Variants in ESR2 observed in about 807,000 individuals in gnomAD.
ESR2 encodes estrogen receptor 2.
In ESR2, 36 loss-of-function variants were observed where a neutral mutation model predicts 49.6. The ratio of observed to expected loss-of-function variants is 0.73; its 90% confidence interval spans 0.56 to 0.96. ESR2 has a LOEUF of 0.96. ESR2 is among the 40% of genes least tolerant of loss of function. ESR2 has a pLI of 0.00. For synonymous variants in ESR2, 320 were observed against 266.1 expected (o/e 1.20, Z -1.97); for missense variants, 714 against 693.0 (o/e 1.03, Z -0.34).
rs1214953702 is a variant in ESR2, at chr14:64,283,064, C to T, written c.-79G>A. The T allele has an allele frequency of 2.8e-6, 4 of 1,431,934 alleles. No homozygotes were observed. Among genetic ancestry groups the T allele is most frequent in the East Asian group, 2.3e-5 (1 of 43,570 alleles). 88.7% of individuals were successfully genotyped at this position (1,431,934 alleles called of 1,614,324 possible). On this transcript the variant is annotated 5_prime_UTR_variant, in exon 2 of 9. Coordinates refer to ENST00000341099, the MANE Select transcript of ESR2 (RefSeq NM_001437.3). ...TATAATGTTCTCAAAGATTCGTGGG[C>T]AAGTATAATGGCTGTAAAGAAACAC...
At chr14:64,293,534 ACTC>A (rs1320639909) in intron 1 of ESR2, among the ~76,000 whole-genome samples, 2 of 152,048 alleles carry the variant, frequency 1.3e-5, no homozygotes, top group African/African-American at 2.4e-5. Context: ...CAGTTGTTGG[ACTC>A]CTCTTCAGCA....
At chr14:64,304,594 A>T (rs2077066133) in intron 1 of ESR2, among the ~76,000 whole-genome samples, 1 of 152,188 alleles carries the variant, frequency 6.6e-6, no homozygotes, top group Admixed American at 6.5e-5. Flanking sequence ...AAACCTGCGC[A>T]TAGTAGCTGA....
chr14:64,320,820 A>T (rs2077317008), intron 1 of ESR2, among the ~76,000 whole-genome samples: 1 of 152,116 alleles, frequency 6.6e-6, no homozygotes, highest in Non-Finnish European at 1.5e-5. Context: ...TTTTGAACCC[A>T]GGAGGCGGAG....
intron 1 of ESR2, among the ~76,000 whole-genome samples, chr14:64,323,472 T>C (rs957485249): frequency 6.6e-6 from 1 of 151,994 alleles, no homozygotes; most frequent in Non-Finnish European, 1.5e-5. Flanking sequence ...TCACAGAGTG[T>C]TGAGATTACA....
chr14:64,259,066 C>T (rs2076159545), intron 5 of ESR2, among the ~76,000 whole-genome samples: 1 of 152,202 alleles, frequency 6.6e-6, no homozygotes, highest in South Asian at 2.1e-4. Context: ...CACTGCTCTC[C>T]ATGTGTGGTC....
At chr14:64,292,461 T>C (rs1367780141) in intron 1 of ESR2, among the ~76,000 whole-genome samples, 1 of 152,176 alleles carries the variant, frequency 6.6e-6, no homozygotes, top group Non-Finnish European at 1.5e-5. Flanking sequence ...TTACTGTATG[T>C]AAATTATACT....
intron 3 of ESR2, among the ~76,000 whole-genome samples, chr14:64,278,847 C>G (rs767600185): frequency 5.3e-5 from 8 of 152,096 alleles, no homozygotes; most frequent in Non-Finnish European, 1.0e-4. Context: ...CTCCTCTTGG[C>G]CAAGGGCATT....
intron 1 of ESR2, chr14:64,329,641 GAAA>G: frequency 6.7e-6 from 1 of 148,738 alleles, no homozygotes; most frequent in African/African-American, 2.5e-5. Flanking sequence ...AAAGAAAGAA[GAAA>G]TTTGTATGTG....
rs1044375259 is a variant in ESR2, at chr14:64,228,725, A to G, written c.*4412T>C. 3.3e-5 allele frequency among the ~76,000 whole-genome samples: 5 copies of G among 152,196 alleles called. No homozygotes were observed. The highest frequency in any genetic ancestry group is 4.8e-5 in the African/African-American group (2 of 41,446). ...TATCACCACTCCTTATGTGCTTCCC[A>G]TAGAGGAAACCCACCACCAGTTTAC... On this transcript the variant is annotated 3_prime_UTR_variant, in exon 9 of 9. Coordinates refer to ENST00000341099, the MANE Select transcript of ESR2 (RefSeq NM_001437.3).
chr14:64,288,725 G>A (rs1288226832), intron 1 of ESR2, among the ~76,000 whole-genome samples: 2 of 150,178 alleles, frequency 1.3e-5, no homozygotes, highest in Non-Finnish European at 3.0e-5. Context: ...GGTGGCTCAT[G>A]CCTGTAATCC....
At chr14:64,305,472 C>T (rs907684336) in intron 1 of ESR2, among the ~76,000 whole-genome samples, 2 of 151,508 alleles carry the variant, frequency 1.3e-5, no homozygotes, top group Non-Finnish European at 2.9e-5. Flanking sequence ...AGATCGAGAC[C>T]ATCCTGGCTA....
chr14:64,326,514 C>G (rs2077392374), intron 1 of ESR2, among the ~76,000 whole-genome samples: 1 of 152,116 alleles, frequency 6.6e-6, no homozygotes, highest in South Asian at 2.1e-4. Flanking sequence ...AAAGCCAGAT[C>G]ATTCCAGCTC....
At chr14:64,278,699 G>T (rs1327798738) in intron 3 of ESR2, among the ~76,000 whole-genome samples, 1 of 152,154 alleles carries the variant, frequency 6.6e-6, no homozygotes, top group African/African-American at 2.4e-5. Flanking sequence ...GCAAATCAGG[G>T]CTGGTACGAG....
intron 3 of ESR2, 54 bp from the exon 4 acceptor site, chr14:64,268,965 T>C: frequency 9.7e-7 from 1 of 1,026,528 alleles, no homozygotes; most frequent in Non-Finnish European, 1.5e-6. Flanking sequence ...CTTAGTTAAA[T>C]CTCTTCCTGG....
downstream of ESR2, chr14:64,228,111 A>AAGAT (rs2098723734): frequency 5.5e-5 from 69 of 1,260,380 alleles, 1 homozygote; most frequent in South Asian, 1.3e-3. Flanking sequence ...TCTTTTTAAG[A>AAGAT]AGATACATTA....
Position 64,235,041 on chromosome 14 carries a change from G to A in ESR2, c.1335C>T (p.Gly445=), listed in dbSNP as rs1268902678. ...GCATGGATTGCTGCTGGGAGGAGATGCCGCTCTTGGCAATCACCCAAACCA... is the reference window on the plus strand; with the variant it reads ...GCATGGATTGCTGCTGGGAGGAGATACCGCTCTTGGCAATCACCCAAACCA... ...DALVWVIAKS[G]ISSQQQSMRL... is the part of the protein sequence containing the mutation. Residue 445 remains glycine (G), a synonymous_variant, in exon 8 of 9, where the codon GGC becomes GGT. Coordinates refer to ENST00000341099, the MANE Select transcript of ESR2 (RefSeq NM_001437.3). The A allele has an allele frequency of 1.2e-5, 20 of 1,614,118 alleles. No individual in the cohort carries two copies. The highest frequency in any genetic ancestry group is 1.7e-5 in the Non-Finnish European group (20 of 1,180,056).
chr14:64,309,503 C>A (rs920039670), intron 1 of ESR2, among the ~76,000 whole-genome samples: 9 of 150,690 alleles, frequency 6.0e-5, no homozygotes, highest in African/African-American at 2.2e-4. Flanking sequence ...CCCAGCTACT[C>A]TGGAGGCTGA....
At chr14:64,307,403 T>TG (rs757651462) in intron 1 of ESR2, among the ~76,000 whole-genome samples, 2 of 151,528 alleles carry the variant, frequency 1.3e-5, no homozygotes, top group African/African-American at 4.9e-5. Context: ...TTAGTAGAGA[T>TG]GGGGTTTCAC....
At chr14:64,286,995 G>T (rs1451841874) in intron 1 of ESR2, among the ~76,000 whole-genome samples, 1 of 151,272 alleles carries the variant, frequency 6.6e-6, no homozygotes, top group Non-Finnish European at 1.5e-5. Flanking sequence ...GGGATTACAG[G>T]TGTGAGTCAC....
Sources: gnomAD v4.1 joint callset for allele counts (sites outside exome capture counted in the v4.1 genomes callset) on GRCh38, gnomAD v4.1.1 for gene constraint, MANE v1.5 for transcripts, NCBI Gene and HGNC (gene_info 2026-07-23, HGNC 2026-07-21) for gene names.